Variants in CDH13 observed in about 807,000 individuals in gnomAD.
CDH13 encodes cadherin-13.
In CDH13, 24 loss-of-function variants were observed where a neutral mutation model predicts 63.8. That is an observed-to-expected ratio of 0.38 (90% CI 0.27 to 0.53). The LOEUF is 0.53. Among genes scored for constraint, CDH13 ranks in the 20% least tolerant of loss-of-function variants. CDH13 has a pLI of 0.85. For missense variants in CDH13, 1,049 were observed against 903.1 expected (o/e 1.16, Z -2.07); for synonymous variants, 503 against 355.3 (o/e 1.42, Z -4.67).
In CDH13 at chr16:83,050,790, C is replaced by G. The variant is rs2030237301; in HGVS notation, c.366+18572C>G. ...GGGTTAACTGTGTGAGTCTGAACAC[C>G]TGTACCTCATTACCTCATTACTTCC... On this transcript the variant is annotated intron_variant, in intron 3 of 13. Coordinates refer to ENST00000567109, the MANE Select transcript of CDH13 (RefSeq NM_001257.5). Among the ~76,000 whole-genome samples the G allele has an allele frequency of 3.9e-5, 6 of 152,186 alleles. No homozygotes were observed. In the South Asian group the frequency reaches 1.0e-3, roughly 26 times the overall value.
intron 7 of CDH13, among the ~76,000 whole-genome samples, chr16:83,592,606 C>T (rs1906864779): frequency 6.6e-6 from 1 of 152,062 alleles, no homozygotes; most frequent in Admixed American, 6.5e-5. Flanking sequence ...ATTTTGGTGT[C>T]CCTCAACCGC....
chr16:82,888,183 G>A (rs369394357), intron 2 of CDH13, among the ~76,000 whole-genome samples: 73 of 152,278 alleles, frequency 4.8e-4, no homozygotes, highest in South Asian at 4.8e-3. Context: ...AGGTGCTACC[G>A]ATTTGTATCC....
chr16:83,135,113 T>C (rs1388071932), intron 4 of CDH13, among the ~76,000 whole-genome samples: 1 of 152,234 alleles, frequency 6.6e-6, no homozygotes. Flanking sequence ...CTAATGAATG[T>C]CTGGATCTAA....
chr16:83,783,905 AG>A (rs1362588987), intron 13 of CDH13, among the ~76,000 whole-genome samples: 2 of 152,218 alleles, frequency 1.3e-5, no homozygotes, highest in African/African-American at 2.4e-5. Context: ...TTATGGATGG[AG>A]GGTGGGCTGC....
chr16:83,626,030 A>G (rs1315386979), intron 8 of CDH13, among the ~76,000 whole-genome samples: 2 of 148,442 alleles, frequency 1.3e-5, no homozygotes, highest in South Asian at 2.1e-4. Context: ...TTTTTTTTCA[A>G]AGCAGGGTCT....
At chr16:83,060,643 G>C (rs774328169) in intron 3 of CDH13, among the ~76,000 whole-genome samples, 3 of 152,220 alleles carry the variant, frequency 2.0e-5, no homozygotes, top group Non-Finnish European at 4.4e-5. Flanking sequence ...GCTCAGATCT[G>C]AATCCAGAGC....
chr16:83,730,136 C>G (rs1021625264), intron 10 of CDH13, among the ~76,000 whole-genome samples: 1 of 152,222 alleles, frequency 6.6e-6, no homozygotes, highest in Non-Finnish European at 1.5e-5. Flanking sequence ...TTTTGATCAA[C>G]AGTTCCCTGA....
chr16:83,343,315 A>G (rs1264828965), intron 5 of CDH13, among the ~76,000 whole-genome samples: 1 of 152,228 alleles, frequency 6.6e-6, no homozygotes, highest in African/African-American at 2.4e-5. Flanking sequence ...TAAGTAGATC[A>G]ATAAAGTTTA....
At chr16:83,267,379 C>T (rs919965274) in intron 5 of CDH13, among the ~76,000 whole-genome samples, 2 of 152,116 alleles carry the variant, frequency 1.3e-5, no homozygotes, top group Non-Finnish European at 2.9e-5. Context: ...AATAGCTGTA[C>T]AGCTACCAGT....
At chr16:83,252,721 C>G (rs993580524) in intron 5 of CDH13, among the ~76,000 whole-genome samples, 1 of 152,106 alleles carries the variant, frequency 6.6e-6, no homozygotes, top group Non-Finnish European at 1.5e-5. Flanking sequence ...AGTGTCATGA[C>G]TAGGGAGGAG....
chr16:82,712,688 C>G (rs565219323), intron 1 of CDH13, among the ~76,000 whole-genome samples: 2 of 152,320 alleles, frequency 1.3e-5, no homozygotes, highest in South Asian at 2.1e-4. Context: ...GTCAGGCCCC[C>G]TGAAGCCGCA....
At chr16:83,776,971 T>C (rs1400226708) in intron 11 of CDH13, among the ~76,000 whole-genome samples, 1 of 95,446 alleles carries the variant, frequency 1.0e-5, no homozygotes, top group Non-Finnish European at 2.3e-5. Flanking sequence ...CACAGGTGCA[T>C]TGAATTCAAG....
chr16:82,904,908 A>G (rs1015710277), intron 2 of CDH13, among the ~76,000 whole-genome samples: 10 of 152,136 alleles, frequency 6.6e-5, no homozygotes, highest in African/African-American at 2.2e-4. Flanking sequence ...AAATGAACCT[A>G]GGTTTCTCCC....
Position 83,414,733 on chromosome 16 carries a change from T to G in CDH13, c.781+69727T>G, listed in dbSNP as rs185444870. ...TGTCTTCAAGATTCATCCATGTTGT[T>G]GCATATTGCAGAATATCCTTCACTT... On this transcript the variant is annotated intron_variant, in intron 6 of 13. Transcript: ENST00000567109. 5.9e-5 allele frequency among the ~76,000 whole-genome samples: 9 copies of G among 152,328 alleles called. No individual in the cohort carries two copies. The East Asian group carries it at 1.5e-3, about 26-fold the overall frequency.
At chr16:82,671,076 T>C (rs538541689) in intron 1 of CDH13, among the ~76,000 whole-genome samples, 1 of 152,248 alleles carries the variant, frequency 6.6e-6, no homozygotes, top group East Asian at 1.9e-4. Flanking sequence ...TTCGTGGGTA[T>C]TAGATGGCGA....
intron 2 of CDH13, among the ~76,000 whole-genome samples, chr16:82,888,010 C>T (rs568060633): frequency 2.0e-5 from 3 of 152,068 alleles, no homozygotes; most frequent in South Asian, 4.2e-4. Flanking sequence ...CAGAAAAGTA[C>T]GGTTTTGGCC....
At chr16:82,754,330 G>A (rs8059914) in intron 1 of CDH13, among the ~76,000 whole-genome samples, 6,954 of 152,162 alleles carry the variant, frequency 0.046, 522 homozygotes, top group African/African-American at 0.16. Flanking sequence ...TTGAAAAAAT[G>A]AATAAATGAT....
At chr16:83,448,056 G>T (rs959683137) in intron 6 of CDH13, among the ~76,000 whole-genome samples, 4 of 152,184 alleles carry the variant, frequency 2.6e-5, no homozygotes, top group African/African-American at 9.6e-5. Context: ...GAAAAGCACA[G>T]TGTTTAGCTG....
At chr16:82,635,392 G>C (rs1038808364) in intron 1 of CDH13, among the ~76,000 whole-genome samples, 3 of 152,200 alleles carry the variant, frequency 2.0e-5, no homozygotes, top group African/African-American at 7.2e-5. Flanking sequence ...CAGGAAGAAG[G>C]CACAGTCTGG....
Sources: allele counts gnomAD v4.1 joint callset (sites outside exome capture counted in the v4.1 genomes callset), GRCh38; gene constraint gnomAD v4.1.1; transcripts MANE v1.5; gene names NCBI Gene and HGNC (gene_info 2026-07-23, HGNC 2026-07-21).